FRMD6: variants seen among roughly 807,000 people sequenced by gnomAD.
FRMD6 encodes the protein FERM domain-containing protein 6.
A neutral mutation model predicts 73.2 loss-of-function variants in FRMD6; 37 were observed. The observed-to-expected ratio is 0.51, with a 90% CI of 0.39 to 0.66. FRMD6 has a LOEUF of 0.66. Among genes scored for constraint, FRMD6 ranks in the 30% least tolerant of loss-of-function variants. FRMD6 has a pLI of 0.00. For synonymous variants in FRMD6, 273 were observed against 282.2 expected (o/e 0.97, Z 0.33); for missense variants, 714 against 780.5 (o/e 0.91, Z 1.02).
rs1483952846 is a variant in FRMD6 at position 51,588,108 on chromosome 14, T to A, written c.-147+17698T>A. The stretch of plus-strand genomic sequence containing the variant: ...TTTTTTCACTGTTGAAAGTAATAAA[T>A]ATTTATTGCAAACTTTAAGTAATAT... On this transcript the variant is annotated intron_variant, in intron 2 of 14. Transcript: ENST00000356218. Among the ~76,000 whole-genome samples the A allele has an allele frequency of 2.0e-5, 3 of 152,278 alleles. No homozygotes were observed. The East Asian group carries it at 5.8e-4, about 29-fold the overall frequency.
chr14:51,557,524 G>A (rs1283207711), intron 1 of FRMD6, among the ~76,000 whole-genome samples: 1 of 152,084 alleles, frequency 6.6e-6, no homozygotes, highest in African/African-American at 2.4e-5. Flanking sequence ...GCCAGGGAGA[G>A]GGGTTGGAAA....
chr14:51,610,221 C>T (rs955633685), intron 2 of FRMD6, among the ~76,000 whole-genome samples: 1 of 151,934 alleles, frequency 6.6e-6, no homozygotes, highest in Non-Finnish European at 1.5e-5. Context: ...AAATAAACAG[C>T]GCAGCCTCCT....
In FRMD6 at chr14:51,640,838, A is replaced by C. The variant is rs181755102; in HGVS notation, c.-146-48853A>C. 4.4e-4 allele frequency among the ~76,000 whole-genome samples: 67 copies of C among 152,342 alleles called. No individual in the cohort carries two copies. In the South Asian group the frequency reaches 6.0e-3, roughly 14 times the overall value. On this transcript the variant is annotated intron_variant, in intron 2 of 14. Coordinates refer to the FRMD6 transcript ENST00000356218. ...AAAACACACATAGTTTCATCTATTA[A>C]ATATATTTCTACTAAACCACTTAAA...
chr14:51,621,329 G>A lies in FRMD6; in HGVS notation c.-147+50919G>A, dbSNP rs1487809579. On this transcript the variant is annotated intron_variant, in intron 2 of 14. Coordinates refer to the FRMD6 transcript ENST00000356218. ...GTCCAGCCATGCAAACCAGCTTCTC[G>A]TGGGGATGGAGCTTTTCGGCTTAGC... 2.6e-5 allele frequency among the ~76,000 whole-genome samples: 4 copies of A among 152,214 alleles called. 1 individual carries two copies. The South Asian group carries it at 6.2e-4, about 24-fold the overall frequency.
chr14:51,728,056 C>T lies in FRMD6; in HGVS notation c.*27C>T. Reference sequence around the variant, plus strand: ...GTCCGTCTGTGTGCAGCTGTACAGGCAGCTTACTGTTTGCTAGAGGATGCG... The same window carrying T: ...GTCCGTCTGTGTGCAGCTGTACAGGTAGCTTACTGTTTGCTAGAGGATGCG... On this transcript the variant is annotated 3_prime_UTR_variant, in exon 14 of 14. Transcript: ENST00000344768. 7 of 1,582,596 alleles carry T rather than the reference C, an allele frequency of 4.4e-6. No homozygotes were observed. The highest frequency in any genetic ancestry group is 2.3e-5 in the South Asian group (2 of 88,122).
chr14:51,677,126 T>C (rs185715975), intron 1 of FRMD6, among the ~76,000 whole-genome samples: 45 of 152,226 alleles, frequency 3.0e-4, no homozygotes, highest in Non-Finnish European at 4.6e-4. Context: ...ATTTAGTCTG[T>C]TGTCAGTGGG....
At chr14:51,720,862 G>C (rs923511678) in intron 11 of FRMD6, among the ~76,000 whole-genome samples, 1 of 152,176 alleles carries the variant, frequency 6.6e-6, no homozygotes, top group African/African-American at 2.4e-5. Context: ...CTATAGGGAG[G>C]ATAAAAGAAA....
the FRMD6 span, among the ~76,000 whole-genome samples, chr14:51,482,759 G>A: frequency 3.8e-3 from 576 of 152,020 alleles, 9 homozygotes; most frequent in East Asian, 0.061. Flanking sequence ...GGAGTAAAAT[G>A]GCACGATCTC....
At chr14:51,657,308 A>T (rs1307550528) in intron 1 of FRMD6, among the ~76,000 whole-genome samples, 1 of 152,228 alleles carries the variant, frequency 6.6e-6, no homozygotes, top group African/African-American at 2.4e-5. Flanking sequence ...TGTACAGCAC[A>T]AAATGATCAC....
intron 2 of FRMD6, among the ~76,000 whole-genome samples, chr14:51,597,514 C>T (rs1312160003): frequency 3.3e-5 from 5 of 152,242 alleles, no homozygotes; most frequent in South Asian, 2.1e-4. Context: ...GCCTACAGCA[C>T]GTTTGGCTGG....
the FRMD6 span, among the ~76,000 whole-genome samples, chr14:51,397,406 C>T: frequency 6.6e-6 from 1 of 152,234 alleles, no homozygotes; most frequent in East Asian, 1.9e-4. Flanking sequence ...CCCTTTGACA[C>T]CACACTATGG....
chr14:51,610,826 G>C (rs1890462280), intron 2 of FRMD6, among the ~76,000 whole-genome samples: 1 of 152,144 alleles, frequency 6.6e-6, no homozygotes, highest in East Asian at 1.9e-4. Context: ...AGTTGACTCA[G>C]GTGTTTGTTT....
chr14:51,457,390 T>A, the FRMD6 span, among the ~76,000 whole-genome samples: 3 of 151,908 alleles, frequency 2.0e-5, no homozygotes, highest in Admixed American at 6.6e-5. Flanking sequence ...AACGAACCAA[T>A]GACAGAAGGG....
chr14:51,640,948 T>C lies in FRMD6; in HGVS notation c.-146-48743T>C, dbSNP rs1308413163. 3.0e-4 allele frequency among the ~76,000 whole-genome samples: 45 copies of C among 152,060 alleles called. 1 individual carries two copies. Among genetic ancestry groups the C allele is most frequent in the Admixed American group, 3.0e-3 (45 of 15,250 alleles). On this transcript the variant is annotated intron_variant, in intron 2 of 14. Coordinates refer to the FRMD6 transcript ENST00000356218. ...ACTAACTTCTGGTTAAATTTTGGAG[T>C]TTATACTTTATTAACATAACTTTCC...
intron 2 of FRMD6, among the ~76,000 whole-genome samples, chr14:51,644,387 A>ACACACT (rs1489278384): frequency 0.024 from 2,784 of 114,952 alleles, 35 homozygotes; most frequent in Middle Eastern, 0.055. Context: ...ACACACACAC[A>ACACACT]CTCACTCACT....
intron 2 of FRMD6, among the ~76,000 whole-genome samples, chr14:51,625,714 A>G (rs1159716482): frequency 6.6e-6 from 1 of 152,098 alleles, no homozygotes; most frequent in African/African-American, 2.4e-5. Flanking sequence ...TCTTTGTAGA[A>G]TGTTCTTCCC....
At chr14:51,536,113 G>GAA (rs1885877154) in intron 1 of FRMD6, among the ~76,000 whole-genome samples, 1 of 147,448 alleles carries the variant, frequency 6.8e-6, no homozygotes, top group Non-Finnish European at 1.5e-5. Context: ...GAGAGAGAGA[G>GAA]AAACAGGGTC....
At position 51,729,628 on chromosome 14, in the gene FRMD6, A is replaced by T. The variant is rs551196560; in HGVS notation, c.*1599A>T. 6.5e-6 allele frequency: 1 copy of T among 152,780 alleles called. No individual in the cohort carries two copies. The highest frequency in any genetic ancestry group is 1.9e-4 in the East Asian group (1 of 5,188). The allele number at this position is 152,780 out of a possible 1,614,324, so 9.5% of individuals were successfully genotyped here. A position where few individuals can be genotyped will look rare whatever the true frequency, so the allele number is the denominator to read the frequency against. On this transcript the variant is annotated 3_prime_UTR_variant, in exon 14 of 14. Coordinates refer to ENST00000344768, the MANE Select transcript of FRMD6 (RefSeq NM_001267046.2). Reference sequence around the variant, plus strand: ...TATATTATTTTCTAAAGAAACAATCATATTTTTATACAAAATTATGTTTTC... The same window carrying T: ...TATATTATTTTCTAAAGAAACAATCTTATTTTTATACAAAATTATGTTTTC...
chr14:51,479,026 C>A, the FRMD6 span, among the ~76,000 whole-genome samples: 1 of 152,102 alleles, frequency 6.6e-6, no homozygotes. Flanking sequence ...AATCAGAAGA[C>A]CCAGGTGTTG....
Sources: gnomAD v4.1 joint callset for allele counts (sites outside exome capture counted in the v4.1 genomes callset) on GRCh38, gnomAD v4.1.1 for gene constraint, MANE v1.5 for transcripts, NCBI Gene and HGNC (gene_info 2026-07-23, HGNC 2026-07-21) for gene names.